MBD2: variants seen among roughly 807,000 people sequenced by gnomAD.
MBD2 encodes the protein methyl-CpG-binding domain protein 2.
A neutral mutation model predicts 39.3 loss-of-function variants in MBD2; 9 were observed. That is an observed-to-expected ratio of 0.23 (90% CI 0.14 to 0.40). MBD2 has a LOEUF of 0.40. Among genes scored for constraint, MBD2 ranks in the 10% least tolerant of loss-of-function variants. The pLI is 1.00. For missense variants in MBD2, 458 were observed against 532.6 expected, an observed-to-expected ratio of 0.86 and a Z score of 1.38; for synonymous variants, 233 against 211.1, an observed-to-expected ratio of 1.10 and a Z score of -0.90.
At chr18:54,215,500 T>C (rs1467101570) in intron 1 of MBD2, among the ~76,000 whole-genome samples, 1 of 150,910 alleles carries the variant, frequency 6.6e-6, no homozygotes, top group Non-Finnish European at 1.5e-5. Context: ...TTTTTTTTTT[T>C]TTTTTTTTGA....
intron 3 of MBD2, among the ~76,000 whole-genome samples, chr18:54,185,744 T>G (rs1253396239): frequency 6.6e-6 from 1 of 152,122 alleles, no homozygotes; most frequent in East Asian, 1.9e-4. Flanking sequence ...TACAGGGGTC[T>G]TTTTAATCTA....
chr18:54,174,731 A>G (rs1599082293), intron 3 of MBD2, among the ~76,000 whole-genome samples: 1 of 152,236 alleles, frequency 6.6e-6, no homozygotes, highest in East Asian at 1.9e-4. Flanking sequence ...TATCATTTCT[A>G]TTGGAAGATG....
chr18:54,165,708 G>C (rs2144282872), intron 4 of MBD2, among the ~76,000 whole-genome samples: 1 of 152,312 alleles, frequency 6.6e-6, no homozygotes, highest in South Asian at 2.1e-4. Flanking sequence ...GAGAGAAAGA[G>C]CAGGTGGTAG....
chr18:54,200,736 T>C lies in MBD2; in HGVS notation c.702+4262A>G, dbSNP rs1246167129. Among the ~76,000 whole-genome samples, 4 of 152,346 alleles carry C rather than the reference T, an allele frequency of 2.6e-5. No individual in the cohort carries two copies. In the East Asian group the frequency reaches 7.7e-4, roughly 29 times the overall value. ...TATTGAGAGGCAAAGCTCCGTGCTG[T>C]TCAATAGGATAGTGACTAGGTACAT... On this transcript the variant is annotated intron_variant, in intron 2 of 6. Transcript: ENST00000256429.
In MBD2 at chr18:54,204,729, G is replaced by A. The variant is rs371067381; in HGVS notation, c.702+269C>T. Among the ~76,000 whole-genome samples, 17 of 152,284 alleles carry A rather than the reference G, an allele frequency of 1.1e-4. No homozygotes were observed. The East Asian group carries it at 2.9e-3, about 26-fold the overall frequency. On this transcript the variant is annotated intron_variant, in intron 2 of 6. Transcript: ENST00000256429. Reference sequence around the variant, plus strand: ...CTATTTTGAGGGGAAAAAGAAAAAAGGAGACAATTAACACCAAAGAAACCT... The same window carrying A: ...CTATTTTGAGGGGAAAAAGAAAAAAAGAGACAATTAACACCAAAGAAACCT...
intron 2 of MBD2, among the ~76,000 whole-genome samples, chr18:54,198,937 C>T (rs966561748): frequency 1.3e-5 from 2 of 152,074 alleles, no homozygotes; most frequent in African/African-American, 2.4e-5. Flanking sequence ...AGTAGGCCAA[C>T]CATTTGTGAG....
chr18:54,216,025 T>G (rs2086557486), intron 1 of MBD2, among the ~76,000 whole-genome samples: 1 of 151,982 alleles, frequency 6.6e-6, no homozygotes. Context: ...CAGGCTGGTC[T>G]TGAACTCCTG....
At chr18:54,166,646 G>T (rs776719377) in intron 3 of MBD2, among the ~76,000 whole-genome samples, 22 of 152,144 alleles carry the variant, frequency 1.4e-4, no homozygotes, top group Non-Finnish European at 2.1e-4. Context: ...CACTTTAAGG[G>T]AGAAAAGACC....
rs1211071727 is a variant in MBD2, at chr18:54,180,897, C to CTTTTTTTTT, written c.840+7976_840+7977insAAAAAAAAA. On this transcript the variant is annotated intron_variant, in intron 3 of 6. Transcript: ENST00000256429. ...CAGCCTATGTATTCCTTAATTTTTT[C>CTTTTTTTTT]TTTTTCTTTTTTTTTTTTTTTTTTT... Among the ~76,000 whole-genome samples, 94 of 105,338 alleles carry CTTTTTTTTT rather than the reference C, an allele frequency of 8.9e-4. 6 individuals carry two copies. Among genetic ancestry groups the CTTTTTTTTT allele is most frequent in the Non-Finnish European group, 1.0e-3 (58 of 55,294 alleles). The allele number at this position is 105,338 out of a possible 152,430, so 69.1% of individuals were successfully genotyped here. A position where few individuals can be genotyped will look rare whatever the true frequency, so the allele number is the denominator to read the frequency against.
At chr18:54,160,443 G>A (rs2086087999) in intron 5 of MBD2, among the ~76,000 whole-genome samples, 1 of 151,834 alleles carries the variant, frequency 6.6e-6, no homozygotes, top group Admixed American at 6.6e-5. Flanking sequence ...AAGACTACAT[G>A]ATCCTGCACA....
chr18:54,181,494 A>G (rs571061520), intron 3 of MBD2, among the ~76,000 whole-genome samples: 50 of 152,038 alleles, frequency 3.3e-4, no homozygotes, highest in African/African-American at 1.1e-3. Context: ...AATTTTGTCA[A>G]TTATTTATTT....
At chr18:54,202,533 G>T in intron 2 of MBD2, 1 of 199,052 alleles carries the variant, frequency 5.0e-6, no homozygotes, top group Non-Finnish European at 9.8e-6. Context: ...TGTTGCTGGT[G>T]TTACTTTCCA....
At position 54,154,337 on chromosome 18, in the gene MBD2, A is replaced by T. The variant is rs1288547632; in HGVS notation, c.*987T>A. 1 of 152,214 alleles carries T rather than the reference A, an allele frequency of 6.6e-6. No homozygotes were observed. Among genetic ancestry groups the T allele is most frequent in the African/African-American group, 2.4e-5 (1 of 41,450 alleles). The allele number at this position is 152,214 out of a possible 1,614,324, so 9.4% of individuals were successfully genotyped here. ...TAATATTTTGGAGGCCAGGCCAGGT[A>T]CAGGTAATGGTTTGTAAAGTATTAC... is the stretch of plus-strand genomic sequence containing the variant. On this transcript the variant is annotated 3_prime_UTR_variant, in exon 7 of 7. Transcript: ENST00000256429.
At chr18:54,191,782 A>G (rs972664684) in intron 2 of MBD2, among the ~76,000 whole-genome samples, 3 of 152,220 alleles carry the variant, frequency 2.0e-5, no homozygotes, top group Non-Finnish European at 4.4e-5. Context: ...TCCTGTTTGT[A>G]TTGGGCAATC....
intron 3 of MBD2, chr18:54,187,768 A>G (rs767029075): frequency 7.1e-6 from 7 of 985,898 alleles, no homozygotes; most frequent in Non-Finnish European, 8.4e-6. Flanking sequence ...TAGAACTTCA[A>G]ATCTTGAGAC....
chr18:54,159,155 T>A (rs4041245), intron 6 of MBD2, among the ~76,000 whole-genome samples: 1 of 151,922 alleles, frequency 6.6e-6, no homozygotes, highest in Non-Finnish European at 1.5e-5. Context: ...GACAAAGTCC[T>A]TTTCTTCTGC....
chr18:54,194,697 C>T (rs1289905146), intron 2 of MBD2, among the ~76,000 whole-genome samples: 1 of 151,954 alleles, frequency 6.6e-6, no homozygotes, highest in Non-Finnish European at 1.5e-5. Flanking sequence ...AGATGTAGCA[C>T]TGAGAAATGT....
chr18:54,193,129 CCT>C (rs1465233553), intron 2 of MBD2, among the ~76,000 whole-genome samples: 1 of 152,198 alleles, frequency 6.6e-6, no homozygotes, highest in East Asian at 1.9e-4. Context: ...AATTCTATTA[CCT>C]CTACCCTGAG....
intron 2 of MBD2, among the ~76,000 whole-genome samples, chr18:54,195,577 A>G (rs2086358815): frequency 6.6e-6 from 1 of 152,160 alleles, no homozygotes; most frequent in Admixed American, 6.5e-5. Flanking sequence ...TAAAATTCTT[A>G]TAAAAATCAA....
Sources: allele counts gnomAD v4.1 joint callset (sites outside exome capture counted in the v4.1 genomes callset), GRCh38; gene constraint gnomAD v4.1.1; transcripts MANE v1.5; gene names NCBI Gene and HGNC (gene_info 2026-07-23, HGNC 2026-07-21).